Variants in PCDH11Y observed in about 807,000 individuals in gnomAD.
PCDH11Y encodes the protein protocadherin-11 Y-linked.
For synonymous variants in PCDH11Y, 9 were observed against 83.6 expected (o/e 0.11, Z 4.87); for missense variants, 12 against 224.8 (o/e 0.05, Z 6.05).
chrY:5,335,967 G>A, intron 2 of PCDH11Y, among the ~76,000 whole-genome samples: 2 of 31,853 alleles, frequency 6.3e-5, no homozygotes, highest in Non-Finnish European at 1.5e-4. Flanking sequence ...AAATAAAAAT[G>A]TAATGCTACT....
intron 4 of PCDH11Y, among the ~76,000 whole-genome samples, chrY:5,694,755 C>A (rs2053570428): frequency 3.1e-5 from 1 of 32,167 alleles, no homozygotes; most frequent in Admixed American, 2.9e-4. Flanking sequence ...TATTCAAAAA[C>A]TGTTGTCTAC....
chrY:5,432,418 G>T (rs1602924539), intron 2 of PCDH11Y, among the ~76,000 whole-genome samples: 1 of 32,818 alleles, frequency 3.0e-5, no homozygotes, highest in Admixed American at 2.8e-4. Flanking sequence ...TGAGACTTCC[G>T]TGTTTTGTAG....
At chrY:5,372,703 T>TCTTCCTTC in intron 2 of PCDH11Y, among the ~76,000 whole-genome samples, 1 of 30,825 alleles carries the variant, frequency 3.2e-5, no homozygotes, top group African/African-American at 1.2e-4. Flanking sequence ...TCCTTTCTTT[T>TCTTCCTTC]CTTCCTTCCT....
At chrY:5,434,057 C>T in intron 2 of PCDH11Y, among the ~76,000 whole-genome samples, 1 of 32,788 alleles carries the variant, frequency 3.0e-5, no homozygotes, top group African/African-American at 1.2e-4. Context: ...TCATTTTTAA[C>T]GCTGCTAATC....
intron 2 of PCDH11Y, among the ~76,000 whole-genome samples, chrY:5,360,330 CGTGT>C (rs554505426): frequency 1.6e-3 from 37 of 23,594 alleles, no homozygotes; most frequent in East Asian, 4.6e-3. Context: ...GAAGTGTGTG[CGTGT>C]GTGTGTGTGT....
chrY:5,402,591 T>G, intron 2 of PCDH11Y, among the ~76,000 whole-genome samples: 1 of 31,503 alleles, frequency 3.2e-5, no homozygotes, highest in Non-Finnish European at 7.7e-5. Flanking sequence ...TCTACTATTA[T>G]GAAAGGACCT....
chrY:5,353,066 G>T, intron 2 of PCDH11Y, among the ~76,000 whole-genome samples: 1 of 28,932 alleles, frequency 3.5e-5, no homozygotes, highest in Non-Finnish European at 8.0e-5. Flanking sequence ...CCAATGATGC[G>T]ATCTCGGCTC....
chrY:5,235,254 G>A (rs2052973622), intron 2 of PCDH11Y, among the ~76,000 whole-genome samples: 2 of 31,165 alleles, frequency 6.4e-5, no homozygotes, highest in Admixed American at 6.3e-4. Context: ...TAGTGAAAAA[G>A]CCATAATCAC....
intron 4 of PCDH11Y, among the ~76,000 whole-genome samples, chrY:5,695,410 C>CT (rs199812625): frequency 3.4e-4 from 5 of 14,493 alleles, no homozygotes; most frequent in Admixed American, 7.2e-4. Flanking sequence ...ATCAATGAGT[C>CT]TTTTTTTTTT....
intron 2 of PCDH11Y, among the ~76,000 whole-genome samples, chrY:5,216,876 G>A: frequency 3.1e-5 from 1 of 31,989 alleles, no homozygotes; most frequent in Non-Finnish European, 7.6e-5. Flanking sequence ...TACTGTAGTC[G>A]CTTCAGTCAT....
chrY:5,484,652 C>T (rs2053329780), intron 2 of PCDH11Y, among the ~76,000 whole-genome samples: 1 of 33,149 alleles, frequency 3.0e-5, no homozygotes, highest in Admixed American at 2.7e-4. Context: ...TAAACTGACA[C>T]GAGACAGGTC....
intron 4 of PCDH11Y, among the ~76,000 whole-genome samples, chrY:5,674,707 A>T: frequency 3.0e-5 from 1 of 33,830 alleles, no homozygotes; most frequent in Non-Finnish European, 7.3e-5. Context: ...GGAAATACAA[A>T]TCATACAGAT....
intron 1 of PCDH11Y, among the ~76,000 whole-genome samples, chrY:5,020,585 C>A (rs2124619697): frequency 3.0e-5 from 1 of 33,353 alleles, no homozygotes; most frequent in East Asian, 7.8e-4. Context: ...AATAATGACT[C>A]TTTAACAATT....
At chrY:5,506,634 T>G (rs2053359261) in intron 3 of PCDH11Y, among the ~76,000 whole-genome samples, 1 of 32,435 alleles carries the variant, frequency 3.1e-5, no homozygotes, top group Non-Finnish European at 7.6e-5. Context: ...ATAGTGTCAG[T>G]CCATGGTAGA....
chrY:5,486,032 TAGTC>T (rs2053331055), intron 2 of PCDH11Y, among the ~76,000 whole-genome samples: 1 of 27,242 alleles, frequency 3.7e-5, no homozygotes, highest in Non-Finnish European at 8.6e-5. Context: ...AGCATAGTAA[TAGTC>T]AGGAAGACCT....
At chrY:5,732,356 C>T (rs1602965318) in intron 4 of PCDH11Y, among the ~76,000 whole-genome samples, 1 of 32,470 alleles carries the variant, frequency 3.1e-5, no homozygotes, top group African/African-American at 1.2e-4. Context: ...TCTGTAAAAT[C>T]GTTTGTTTCT....
chrY:5,040,771 T>TTAAATTAATTTAACC (rs2052606269), intron 3 of PCDH11Y, among the ~76,000 whole-genome samples: 1 of 31,093 alleles, frequency 3.2e-5, no homozygotes, highest in African/African-American at 1.3e-4. Flanking sequence ...GTAGGATTAG[T>TTAAATTAATTTAACC]TAAATTAATT....
intron 2 of PCDH11Y, among the ~76,000 whole-genome samples, chrY:5,217,988 C>T: frequency 3.0e-5 from 1 of 33,422 alleles, no homozygotes; most frequent in Non-Finnish European, 7.4e-5. Context: ...TTTCTCCTCA[C>T]CTGTAAGGCT....
intron 1 of PCDH11Y, among the ~76,000 whole-genome samples, chrY:5,008,213 A>G: frequency 3.4e-5 from 1 of 29,073 alleles, no homozygotes; most frequent in Non-Finnish European, 8.2e-5. Flanking sequence ...CTACTATCCT[A>G]CTGTCATTTT....
Sources: gnomAD v4.1 joint callset for allele counts (sites outside exome capture counted in the v4.1 genomes callset) on GRCh38, gnomAD v4.1.1 for gene constraint, MANE v1.5 for transcripts, NCBI Gene and HGNC (gene_info 2026-07-23, HGNC 2026-07-21) for gene names.